TMEM164: variants seen among roughly 807,000 people sequenced by gnomAD.
TMEM164 encodes the protein RP13-360B22.2.
A neutral mutation model predicts 18.8 loss-of-function variants in TMEM164; 4 were observed. That is an observed-to-expected ratio of 0.21 (90% CI 0.10 to 0.49). The LOEUF is 0.49. Ranked by LOEUF, TMEM164 falls within the 20% of genes least tolerant of loss-of-function variation. The pLI is 0.98. For synonymous variants in TMEM164, 86 were observed against 101.7 expected, an observed-to-expected ratio of 0.85 and a Z score of 0.93; for missense variants, 108 against 239.9, an observed-to-expected ratio of 0.45 and a Z score of 3.63.
chrX:110,153,799 A>G (rs189413925), intron 5 of TMEM164, among the ~76,000 whole-genome samples: 84 of 111,643 alleles, frequency 7.5e-4, no homozygotes, highest in African/African-American at 2.7e-3. Context: ...TCAGCTCATC[A>G]GCTATCAGTA....
intron 5 of TMEM164, among the ~76,000 whole-genome samples, chrX:110,149,683 G>A (rs1283467208): frequency 2.7e-5 from 3 of 112,086 alleles, no homozygotes; most frequent in Non-Finnish European, 5.6e-5. Context: ...AGTTATGGCT[G>A]CTACATCACT....
At chrX:110,048,603 G>C (rs1935414677) in intron 2 of TMEM164, among the ~76,000 whole-genome samples, 1 of 110,201 alleles carries the variant, frequency 9.1e-6, no homozygotes, top group Non-Finnish European at 1.9e-5. Context: ...TTTGGAATTA[G>C]AACTTAGGCC....
intron 3 of TMEM164, among the ~76,000 whole-genome samples, chrX:110,084,386 A>T (rs2065810207): frequency 1.3e-5 from 1 of 74,264 alleles, no homozygotes; most frequent in African/African-American, 5.7e-5. Flanking sequence ...TAGTGTATAT[A>T]TATATAGTAT....
intron 2 of TMEM164, among the ~76,000 whole-genome samples, chrX:110,036,447 A>G (rs1160058085): frequency 8.9e-6 from 1 of 112,028 alleles, no homozygotes; most frequent in East Asian, 2.8e-4. Flanking sequence ...CTTTATGCCT[A>G]TGGCATGGAC....
intron 2 of TMEM164, among the ~76,000 whole-genome samples, chrX:110,004,789 G>A (rs960927536): frequency 3.6e-5 from 4 of 112,092 alleles, no homozygotes; most frequent in African/African-American, 1.3e-4. Context: ...CTTTGGGCTG[G>A]TGATCACTAT....
intron 2 of TMEM164, chrX:110,046,021 A>C (rs1396097251): frequency 2.7e-6 from 2 of 751,093 alleles, no homozygotes; most frequent in Non-Finnish European, 3.1e-6. Flanking sequence ...CACAATGGAA[A>C]TTATCAGACC....
chrX:110,143,807 GT>G (rs1569348832), intron 4 of TMEM164, among the ~76,000 whole-genome samples: 39 of 99,490 alleles, frequency 3.9e-4, no homozygotes, highest in African/African-American at 1.5e-3. Flanking sequence ...ACTTTGGGGT[GT>G]GTGTGTGTGT....
intron 2 of TMEM164, among the ~76,000 whole-genome samples, chrX:110,048,176 C>T (rs948874180): frequency 4.6e-5 from 5 of 109,779 alleles, no homozygotes; most frequent in Non-Finnish European, 9.4e-5. Context: ...GCAAAAGGAA[C>T]TACTTTAAGT....
chrX:110,131,504 G>A lies in TMEM164; in HGVS notation c.508-13294G>A, dbSNP rs762501202. 3.6e-5 allele frequency among the ~76,000 whole-genome samples: 4 copies of A among 111,362 alleles called. No homozygotes were observed. In the South Asian group the frequency reaches 1.5e-3, roughly 42 times the overall value. ...TTCTGGGTGGAATCTGTAACCCAGG[G>A]TAGAGGAAAATGATGTGTTGGTCCT... On this transcript the variant is annotated intron_variant, in intron 4 of 6. Coordinates refer to ENST00000372068, the MANE Select transcript of TMEM164 (RefSeq NM_032227.4).
At chrX:110,027,708 C>T (rs962290218) in intron 2 of TMEM164, among the ~76,000 whole-genome samples, 2 of 109,888 alleles carry the variant, frequency 1.8e-5, no homozygotes, top group East Asian at 2.8e-4. Flanking sequence ...TGCAGTGAGC[C>T]GAGGTCATGC....
chrX:110,119,713 A>C (rs971800545), intron 4 of TMEM164, among the ~76,000 whole-genome samples: 1 of 111,180 alleles, frequency 9.0e-6, no homozygotes, highest in Non-Finnish European at 1.9e-5. Flanking sequence ...GGTTGAACGG[A>C]GATGATGTGT....
chrX:110,055,420 C>T, intron 2 of TMEM164: 2 of 256,883 alleles, frequency 7.8e-6, no homozygotes, highest in Non-Finnish European at 1.6e-5. Flanking sequence ...CAGTGCACAA[C>T]CTACACAACT....
At chrX:110,029,644 A>G (rs1306866268) in intron 2 of TMEM164, among the ~76,000 whole-genome samples, 1 of 112,258 alleles carries the variant, frequency 8.9e-6, no homozygotes, top group Non-Finnish European at 1.9e-5. Flanking sequence ...GAATCAGACT[A>G]TGTGAAGCTG....
chrX:110,066,044 T>C (rs1401657212), intron 2 of TMEM164, among the ~76,000 whole-genome samples: 1 of 112,177 alleles, frequency 8.9e-6, no homozygotes, highest in Non-Finnish European at 1.9e-5. Flanking sequence ...GATATTTCCT[T>C]TGATGAGGTA....
intron 4 of TMEM164, among the ~76,000 whole-genome samples, chrX:110,111,447 C>A (rs1159380787): frequency 8.9e-6 from 1 of 112,180 alleles, no homozygotes; most frequent in Non-Finnish European, 1.9e-5. Context: ...CCCCTTGTAC[C>A]TGTTTTCTCA....
intron 5 of TMEM164, among the ~76,000 whole-genome samples, chrX:110,164,531 A>G (rs2067134555): frequency 9.0e-6 from 1 of 111,603 alleles, no homozygotes; most frequent in African/African-American, 3.3e-5. Flanking sequence ...AGGCACGACC[A>G]TGATAATGAG....
intron 3 of TMEM164, among the ~76,000 whole-genome samples, chrX:110,084,398 G>T (rs57528774): frequency 1.1e-4 from 1 of 9,471 alleles, no homozygotes; most frequent in African/African-American, 4.7e-4. Flanking sequence ...ATATAGTATA[G>T]TATATATATA....
chrX:110,005,024 G>T (rs1932606144), intron 2 of TMEM164, among the ~76,000 whole-genome samples: 1 of 112,282 alleles, frequency 8.9e-6, no homozygotes. Context: ...TATTCAGCCT[G>T]TGTGGAGAGA....
At chrX:110,182,445 CA>C (rs1569366855), downstream of TMEM164, 1 of 111,523 alleles carries the variant, frequency 9.0e-6, no homozygotes, top group Non-Finnish European at 1.9e-5. Flanking sequence ...CCCACCGTGC[CA>C]AATGACAGGG....
Sources: gnomAD v4.1 joint callset for allele counts (sites outside exome capture counted in the v4.1 genomes callset) on GRCh38, gnomAD v4.1.1 for gene constraint, MANE v1.5 for transcripts, NCBI Gene and HGNC (gene_info 2026-07-23, HGNC 2026-07-21) for gene names.